COL22A1: variants seen among roughly 807,000 people sequenced by gnomAD.
The protein encoded by COL22A1 is collagen type XXII alpha 1 chain, also known as collagen alpha-1(XXII) chain.
Under a neutral mutation model 248.9 loss-of-function variants are expected in COL22A1, and 221 were observed. The ratio of observed to expected loss-of-function variants is 0.89; its 90% CI spans 0.80 to 0.99. The LOEUF (loss-of-function observed/expected upper bound fraction) is 0.99. Among genes scored for constraint, COL22A1 ranks in the 50% least tolerant of loss-of-function variants. The pLI, the probability that COL22A1 is intolerant of heterozygous loss-of-function variation, is 0.00. For synonymous variants in COL22A1, 891 were observed against 793.4 expected (o/e 1.12, Z -2.07); for missense variants, 2,240 against 2,179.0 (o/e 1.03, Z -0.56).
chr8:138,884,129 G>A (rs1824461867), intron 1 of COL22A1, among the ~76,000 whole-genome samples: 1 of 152,170 alleles, frequency 6.6e-6, no homozygotes, highest in African/African-American at 2.4e-5. Context: ...GGGAGCCTCT[G>A]GCAATGCTGA....
chr8:138,694,242 C>T (rs549775618), intron 34 of COL22A1, among the ~76,000 whole-genome samples: 2 of 152,306 alleles, frequency 1.3e-5, no homozygotes, highest in South Asian at 2.1e-4. Context: ...AGGGAGAGCA[C>T]GGCAGAAACC....
At chr8:138,630,834 A>G (rs367619442) in intron 49 of COL22A1, 86 bp from the exon 50 acceptor site, 4 of 1,174,850 alleles carry the variant, frequency 3.4e-6, no homozygotes, top group South Asian at 2.4e-5. Flanking sequence ...AAAGCAATTG[A>G]TATGGTTGGT....
At chr8:138,632,424 G>A (rs966820883) in intron 49 of COL22A1, among the ~76,000 whole-genome samples, 29 of 152,156 alleles carry the variant, frequency 1.9e-4, no homozygotes, top group Non-Finnish European at 3.7e-4. Flanking sequence ...TGTCCAATAG[G>A]GACCTTCCAT....
At position 138,802,894 on chromosome 8, in the gene COL22A1, G is replaced by A; in HGVS notation, c.1535C>T (p.Pro512Leu). The A allele has an allele frequency of 1.9e-6, 3 of 1,613,976 alleles. No homozygotes were observed. Among genetic ancestry groups the A allele is most frequent in the Non-Finnish European group, 2.5e-6 (3 of 1,179,860 alleles). The change falls in exon 11 of 65, where the codon CCT (proline) becomes CTT (leucine). Residue 512 changes from proline (P) to leucine (L), a missense_variant. By Grantham distance (98) the Pro-to-Leu change is moderately conservative. Coordinates refer to ENST00000303045, the MANE Select transcript of COL22A1 (RefSeq NM_152888.3). ...CACCACATCACCTTTCTCTCCCTTA[G>A]GTCCAGGAGCGCCAACCGGCCCAAT... ...GAIGPVGAPGPKGEKGDVGIG... is the reference protein window; with the variant it reads ...GAIGPVGAPGLKGEKGDVGIG...
At chr8:138,783,857 T>C (rs1053865462) in intron 12 of COL22A1, among the ~76,000 whole-genome samples, 3 of 152,200 alleles carry the variant, frequency 2.0e-5, no homozygotes, top group African/African-American at 7.2e-5. Flanking sequence ...GAAGGCTTAC[T>C]CATGCCCTTG....
At chr8:138,642,828 A>C (rs1446711185) in intron 47 of COL22A1, among the ~76,000 whole-genome samples, 2 of 152,192 alleles carry the variant, frequency 1.3e-5, no homozygotes, top group Admixed American at 6.5e-5. Context: ...CAGGAGTTTG[A>C]GACCAGCCTG....
At chr8:138,701,778 T>C (rs551929643) in intron 31 of COL22A1, among the ~76,000 whole-genome samples, 119 of 152,376 alleles carry the variant, frequency 7.8e-4, no homozygotes, top group African/African-American at 2.7e-3. Flanking sequence ...GGACAGAAAC[T>C]GGCGTCCACA....
chr8:138,799,921 A>G (rs1436654754), intron 11 of COL22A1, among the ~76,000 whole-genome samples: 1 of 152,178 alleles, frequency 6.6e-6, no homozygotes, highest in Non-Finnish European at 1.5e-5. Flanking sequence ...GTGGTTTACT[A>G]TAGAGTACCA....
intron 22 of COL22A1, among the ~76,000 whole-genome samples, chr8:138,744,322 A>G (rs552750982): frequency 3.3e-4 from 50 of 152,326 alleles, no homozygotes; most frequent in African/African-American, 1.2e-3. Context: ...CCTTGGTTCC[A>G]AGCGAAAGGC....
chr8:138,805,827 T>TGATGGTGTGTATG (rs1245073415), intron 10 of COL22A1, among the ~76,000 whole-genome samples: 1 of 86,644 alleles, frequency 1.2e-5, no homozygotes, highest in Non-Finnish European at 2.3e-5. Flanking sequence ...GGTGTGTGTG[T>TGATGGTGTGTATG]TTTTGATGGT....
chr8:138,882,582 A>T (rs111206279), intron 2 of COL22A1, among the ~76,000 whole-genome samples: 91 of 15,958 alleles, frequency 5.7e-3, no homozygotes, highest in African/African-American at 0.027. Context: ...ACTCCCACAC[A>T]CTGTCAAACT....
intron 61 of COL22A1, among the ~76,000 whole-genome samples, chr8:138,598,243 G>A (rs929581091): frequency 2.6e-5 from 4 of 152,192 alleles, no homozygotes; most frequent in East Asian, 1.9e-4. Flanking sequence ...AAAGAGAGAC[G>A]CAGGGGGACG....
Position 138,878,028 on chromosome 8 carries a change from C to A in COL22A1, c.380G>T (p.Arg127Leu), listed in dbSNP as rs753278763. 3.1e-6 allele frequency: 5 copies of A among 1,590,452 alleles called. No individual in the cohort carries two copies. In the South Asian group the frequency reaches 4.6e-5, roughly 14 times the overall value. The change falls in exon 3 of 65, where the codon CGC becomes CTC. Residue 127 changes from arginine (R) to leucine (L), a missense_variant. Coordinates refer to ENST00000303045, the MANE Select transcript of COL22A1 (RefSeq NM_152888.3). ...TGDALRYITARSFSPHAGGRP... is the reference protein window; with the variant it reads ...TGDALRYITALSFSPHAGGRP... ...GCCGCCGGCGTGTGGGGAGAAGCTG[C>A]GGGCCGTGATGTAGCGGAGCGCGTC...
chr8:138,759,827 A>G (rs1423864853), intron 18 of COL22A1, among the ~76,000 whole-genome samples: 1 of 152,204 alleles, frequency 6.6e-6, no homozygotes, highest in Non-Finnish European at 1.5e-5. Context: ...TAAAAATTGC[A>G]AAATGTAGTA....
intron 25 of COL22A1, among the ~76,000 whole-genome samples, chr8:138,722,836 G>A (rs1391644832): frequency 1.8e-5 from 2 of 110,416 alleles, no homozygotes; most frequent in East Asian, 3.1e-4. Context: ...AAATGATATC[G>A]GGTCACATGG....
intron 47 of COL22A1, among the ~76,000 whole-genome samples, chr8:138,646,090 C>G (rs60872158): frequency 0.051 from 7,779 of 152,236 alleles, 257 homozygotes; most frequent in South Asian, 0.11. Context: ...TTTTGGGGTT[C>G]AGATTATACC....
intron 35 of COL22A1, 99 bp from the exon 36 acceptor site, chr8:138,690,973 T>C (rs953562740): frequency 4.1e-5 from 39 of 944,198 alleles, no homozygotes; most frequent in Non-Finnish European, 5.9e-5. Flanking sequence ...TTCACCGCAA[T>C]GTGCTGGAAC....
intron 47 of COL22A1, among the ~76,000 whole-genome samples, chr8:138,646,336 C>T (rs543869188): frequency 1.8e-4 from 28 of 152,276 alleles, no homozygotes; most frequent in Admixed American, 7.2e-4. Context: ...TAAGTGGAGG[C>T]GTCTGACCAC....
At chr8:138,879,766 G>A (rs1417970314) in intron 2 of COL22A1, among the ~76,000 whole-genome samples, 2 of 151,372 alleles carry the variant, frequency 1.3e-5, no homozygotes, top group Admixed American at 1.3e-4. Context: ...CTTCCAGAAG[G>A]TGGGGTTTGG....
Sources: allele counts gnomAD v4.1 joint callset (sites outside exome capture counted in the v4.1 genomes callset), GRCh38; gene constraint gnomAD v4.1.1; transcripts MANE v1.5; gene names NCBI Gene and HGNC (gene_info 2026-07-23, HGNC 2026-07-21).